Variants in ZNF184 observed in about 807,000 individuals in gnomAD.
The protein encoded by ZNF184 is zinc finger protein 184 (Kruppel-like).
In ZNF184, 16 loss-of-function variants were observed where a neutral mutation model predicts 54.4. That is an observed-to-expected ratio of 0.29 (90% CI 0.20 to 0.45). The LOEUF is 0.45. ZNF184 is among the 20% of genes least tolerant of loss of function. ZNF184 has a pLI of 1.00. For missense variants in ZNF184, 681 were observed against 888.2 expected (o/e 0.77, Z 2.97); for synonymous variants, 254 against 295.3 (o/e 0.86, Z 1.43).
At chr6:27,434,185 A>G in the ZNF184 span, among the ~76,000 whole-genome samples, 1 of 152,098 alleles carries the variant, frequency 6.6e-6, no homozygotes, top group South Asian at 2.1e-4. Flanking sequence ...TCTTTTGGGT[A>G]TATACCAAGA....
At position 27,453,640 on chromosome 6, in the gene ZNF184, C is replaced by G. The variant is rs1762788134; in HGVS notation, c.299-380G>C. On this transcript the variant is annotated intron_variant, in intron 5 of 5. Coordinates refer to ENST00000683788, the MANE Select transcript of ZNF184 (RefSeq NM_001318891.2). This position sits in a 1 kb window ranked among gnomAD's most constrained non-coding sequence, Gnocchi z 4.7. ...ACAACAAAACAAAAAATCCAAGAACCATGATTTAAAGACAGAACAAACAGG... is the reference window on the plus strand; with the variant it reads ...ACAACAAAACAAAAAATCCAAGAACGATGATTTAAAGACAGAACAAACAGG... Among the ~76,000 whole-genome samples the G allele has an allele frequency of 6.6e-6, 1 of 152,096 alleles. No individual in the cohort carries two copies. Among genetic ancestry groups the G allele is most frequent in the Non-Finnish European group, 1.5e-5 (1 of 68,014 alleles).
downstream of ZNF184, among the ~76,000 whole-genome samples, chr6:27,449,032 A>C (rs757078141): frequency 3.3e-5 from 5 of 152,238 alleles, no homozygotes; most frequent in Non-Finnish European, 5.9e-5. Flanking sequence ...GCTGTGGTTG[A>C]ATGATTTTTA....
chr6:27,457,502 G>A, intron 3 of ZNF184, 93 bp from the exon 4 acceptor site: 1 of 1,351,080 alleles, frequency 7.4e-7, no homozygotes, highest in Non-Finnish European at 1.0e-6. Flanking sequence ...GCAGTCTATA[G>A]GATGTCTGCA....
the ZNF184 span, among the ~76,000 whole-genome samples, chr6:27,426,580 A>ACAATTTTCAATCTCTC: frequency 0.035 from 5,400 of 152,206 alleles, 201 homozygotes; most frequent in African/African-American, 0.094. This position sits in a 1 kb window ranked among gnomAD's most constrained non-coding sequence, Gnocchi z 4.2. Context: ...CTCAAACTCT[A>ACAATTTTCAATCTCTC]CAATTTTCAA....
the ZNF184 span, chr6:27,407,674 A>G: frequency 1.5e-6 from 1 of 662,478 alleles, no homozygotes; most frequent in Non-Finnish European, 2.8e-6. Context: ...GCAAGCCTGG[A>G]TGTCCACCTT....
In ZNF184 at chr6:27,472,388, C is replaced by CT; in HGVS notation, c.-95dup. ...GTATCTCGGTCTAGGACTCAGATGT[C>CT]TAACTCCCCTTGCAGGGAATCTGCA... On this transcript the variant is annotated 5_prime_UTR_variant, in exon 2 of 6. Coordinates refer to ENST00000683788, the MANE Select transcript of ZNF184 (RefSeq NM_001318891.2). This position sits in a 1 kb window ranked among gnomAD's most constrained non-coding sequence, Gnocchi z 4.8. 1 of 1,542,054 alleles carries CT rather than the reference C, an allele frequency of 6.5e-7. No individual in the cohort carries two copies. The highest frequency in any genetic ancestry group is 8.9e-7 in the Non-Finnish European group (1 of 1,119,496).
chr6:27,448,372 A>G (rs1156392363), downstream of ZNF184, among the ~76,000 whole-genome samples: 3 of 152,238 alleles, frequency 2.0e-5, no homozygotes, highest in African/African-American at 7.2e-5. Flanking sequence ...TACCTGGACT[A>G]CTAGCATTCC....
intron 3 of ZNF184, among the ~76,000 whole-genome samples, chr6:27,460,481 A>G (rs1002693793): frequency 1.3e-5 from 2 of 152,236 alleles, no homozygotes; most frequent in Admixed American, 1.3e-4. Flanking sequence ...CAGAAGTGAT[A>G]CGGAGAGAAG....
chr6:27,422,113 C>A, the ZNF184 span, among the ~76,000 whole-genome samples: 74,266 of 124,600 alleles, frequency 0.6, 22,967 homozygotes, highest in Middle Eastern at 0.76. Flanking sequence ...TACACCCTAG[C>A]CTGTGCAACA....
At chr6:27,458,154 G>A (rs1441816158) in intron 3 of ZNF184, among the ~76,000 whole-genome samples, 1 of 151,428 alleles carries the variant, frequency 6.6e-6, no homozygotes, top group Non-Finnish European at 1.5e-5. Flanking sequence ...ATAAAAAACA[G>A]GAAAATATTT....
chr6:27,436,313 G>A, the ZNF184 span, among the ~76,000 whole-genome samples: 1 of 151,958 alleles, frequency 6.6e-6, no homozygotes, highest in African/African-American at 2.4e-5. Flanking sequence ...ACAGGCACAC[G>A]CCACCACCCC....
At chr6:27,425,175 C>A in the ZNF184 span, among the ~76,000 whole-genome samples, 1 of 152,212 alleles carries the variant, frequency 6.6e-6, no homozygotes, top group Admixed American at 6.5e-5. Context: ...CCCGCAAGCG[C>A]CGCGCGCAAC....
rs763805371 is a variant in ZNF184, at chr6:27,451,560, C to T, written c.1999G>A (p.Glu667Lys). Residue 667 changes from glutamate (E) to lysine (K), a missense_variant, in exon 6 of 6, where the codon GAG (glutamate) becomes AAG (lysine). By Grantham distance (56) the Glu-to-Lys change is moderately conservative. Coordinates refer to ENST00000683788, the MANE Select transcript of ZNF184 (RefSeq NM_001318891.2). Reference sequence around the variant, plus strand: ...CATTCATTGCACTTATAGGGCTTCTCCCCAGTGTGAATTCGTTGATGCTGA... The same window carrying T: ...CATTCATTGCACTTATAGGGCTTCTTCCCAGTGTGAATTCGTTGATGCTGA... ...LTQHQRIHTG[E>K]KPYKCNECDK... 2 of 1,613,990 alleles carry T rather than the reference C, an allele frequency of 1.2e-6. No homozygotes were observed. The highest frequency in any genetic ancestry group is 1.7e-6 in the Non-Finnish European group (2 of 1,180,002).
intron 3 of ZNF184, among the ~76,000 whole-genome samples, chr6:27,462,737 C>T (rs1380782534): frequency 3.3e-5 from 5 of 150,828 alleles, no homozygotes; most frequent in African/African-American, 4.9e-5. Context: ...TGGTGGTGAG[C>T]GCCTGTAATC....
chr6:27,466,026 G>A (rs1763126906), intron 3 of ZNF184, among the ~76,000 whole-genome samples: 1 of 152,284 alleles, frequency 6.6e-6, no homozygotes, highest in South Asian at 2.1e-4. Context: ...CTTGAGTGGG[G>A]AAATTATTCT....
intron 2 of ZNF184, among the ~76,000 whole-genome samples, chr6:27,469,910 A>G (rs1763233250): frequency 6.6e-6 from 1 of 152,202 alleles, no homozygotes; most frequent in Non-Finnish European, 1.5e-5. Context: ...AAAAAAATCA[A>G]CTAAGGGACT....
In ZNF184 at chr6:27,452,343, T is replaced by C. The variant is rs377274421; in HGVS notation, c.1216A>G (p.Ile406Val). The C allele has an allele frequency of 3.1e-6, 5 of 1,614,022 alleles. No individual in the cohort carries two copies. The African/African-American group carries it at 6.7e-5, about 22-fold the overall frequency. The part of the protein sequence containing the change: ...GKAFNGPSTF[I>V]RHHMIHTGEK... Reference sequence around the variant, plus strand: ...CCAGTATGAATCATATGATGACGGATAAAAGTTGAGGGCCCGTTGAAGGCC... The same window carrying C: ...CCAGTATGAATCATATGATGACGGACAAAAGTTGAGGGCCCGTTGAAGGCC... The change falls in exon 6 of 6, where the codon ATC becomes GTC. Residue 406 changes from isoleucine (I) to valine (V), a missense_variant. Ile to Val is a conservative substitution (Grantham distance 29). Coordinates refer to ENST00000683788, the MANE Select transcript of ZNF184 (RefSeq NM_001318891.2). The surrounding 1 kb of genome is among the most constrained non-coding windows in gnomAD (Gnocchi z 5.5).
At chr6:27,421,934 G>T in the ZNF184 span, among the ~76,000 whole-genome samples, 2 of 151,906 alleles carry the variant, frequency 1.3e-5, no homozygotes, top group Non-Finnish European at 2.9e-5. Flanking sequence ...AGCCAGGCTT[G>T]GTGGCACATG....
At chr6:27,470,905 AATAT>A (rs1188640641) in intron 2 of ZNF184, among the ~76,000 whole-genome samples, 1 of 152,140 alleles carries the variant, frequency 6.6e-6, no homozygotes, top group Admixed American at 6.5e-5. Context: ...AGAAACTTAG[AATAT>A]ATATATAAAA....
Sources: gnomAD v4.1 joint callset for allele counts (sites outside exome capture counted in the v4.1 genomes callset) on GRCh38, gnomAD v4.1.1 for gene constraint, Gnocchi (gnomAD v3.1) non-coding constraint, MANE v1.5 for transcripts, NCBI Gene and HGNC (gene_info 2026-07-23, HGNC 2026-07-21) for gene names.